The following CDC42BPB variants were observed in gnomAD, a reference collection of about 807,000 sequenced individuals.
The protein encoded by CDC42BPB is serine/threonine-protein kinase MRCK beta.
In CDC42BPB, 37 loss-of-function variants were observed where a neutral mutation model predicts 214.9. The ratio of observed to expected loss-of-function variants is 0.17; its 90% CI spans 0.13 to 0.23. The LOEUF is 0.23. Ranked by LOEUF, CDC42BPB falls within the 10% of genes least tolerant of loss-of-function variation. CDC42BPB has a pLI of 1.00. For synonymous variants in CDC42BPB, 931 were observed against 884.0 expected (o/e 1.05, Z -0.94); for missense variants, 1,694 against 2,227.0 (o/e 0.76, Z 4.82).
At chr14:102,938,910 T>C (rs1162554913) in intron 34 of CDC42BPB, among the ~76,000 whole-genome samples, 1 of 148,102 alleles carries the variant, frequency 6.8e-6, no homozygotes, top group African/African-American at 2.5e-5. Context: ...TTAAGAGGCA[T>C]GAGCCACCAC....
rs1025200535 is a variant in CDC42BPB at position 102,942,900 on chromosome 14, G to A, written c.4408+991C>T. 2.6e-5 allele frequency among the ~76,000 whole-genome samples: 4 copies of A among 152,048 alleles called. No homozygotes were observed. In the East Asian group the frequency reaches 5.8e-4, roughly 22 times the overall value. On this transcript the variant is annotated intron_variant, in intron 30 of 36. Coordinates refer to ENST00000361246, the MANE Select transcript of CDC42BPB (RefSeq NM_006035.4). ...GTTTGTTTGTTTAAGACGGAGTCTC[G>A]CTCTGTTGTCCAGGCTAGAGTGCAG...
At chr14:102,946,719 C>G in intron 27 of CDC42BPB, 35 bp from the exon 28 acceptor site, 2 of 1,608,010 alleles carry the variant, frequency 1.2e-6, no homozygotes, top group Non-Finnish European at 1.7e-6. Context: ...AGAGAGAAGT[C>G]ATCAAACGCC....
intron 33 of CDC42BPB, 39 bp from the exon 34 acceptor site, chr14:102,939,766 G>A (rs1566839207): frequency 6.2e-7 from 1 of 1,614,044 alleles, no homozygotes. Flanking sequence ...ATGGATACGT[G>A]AGAATCCTCT....
intron 30 of CDC42BPB, chr14:102,940,702 T>C (rs974973440): frequency 3.4e-6 from 1 of 290,382 alleles, no homozygotes; most frequent in Non-Finnish European, 6.7e-6. Context: ...CTGTTCAGTA[T>C]GGTGAGGCTA....
intron 24 of CDC42BPB, 115 bp from the exon 25 acceptor site, chr14:102,950,717 G>A: frequency 1.5e-6 from 2 of 1,376,196 alleles, no homozygotes; most frequent in Non-Finnish European, 1.9e-6. Context: ...TGGAATCCCA[G>A]CACTTTCGGA....
In CDC42BPB at chr14:103,001,694, G is replaced by A. The variant is rs997438781; in HGVS notation, c.448-1981C>T. Reference sequence around the variant, plus strand: ...ATGCACACTGCAGGCATTCCAGAGGGAGCGGCCCCGGCAGCTGACGGACAC... The same window carrying A: ...ATGCACACTGCAGGCATTCCAGAGGAAGCGGCCCCGGCAGCTGACGGACAC... On this transcript the variant is annotated intron_variant, in intron 4 of 36. Coordinates refer to ENST00000361246, the MANE Select transcript of CDC42BPB (RefSeq NM_006035.4). The surrounding 1 kb of genome is among the most constrained non-coding windows in gnomAD (Gnocchi z 5.8). 6.6e-6 allele frequency among the ~76,000 whole-genome samples: 1 copy of A among 152,192 alleles called. No homozygotes were observed. Among genetic ancestry groups the A allele is most frequent in the African/African-American group, 2.4e-5 (1 of 41,428 alleles).
chr14:102,935,464 T>A (rs1891607252), intron 36 of CDC42BPB, among the ~76,000 whole-genome samples: 2 of 152,088 alleles, frequency 1.3e-5, no homozygotes, highest in Admixed American at 1.3e-4. Context: ...ATGGAACACA[T>A]CTCATGTTCG....
chr14:102,971,056 G>A (rs1893450787), intron 13 of CDC42BPB, among the ~76,000 whole-genome samples: 2 of 152,188 alleles, frequency 1.3e-5, no homozygotes, highest in Non-Finnish European at 2.9e-5. Context: ...GGGGTCCTGA[G>A]ACATCAGGGG....
chr14:103,026,737 G>A (rs1042113918), intron 1 of CDC42BPB, among the ~76,000 whole-genome samples: 8 of 151,008 alleles, frequency 5.3e-5, no homozygotes, highest in East Asian at 2.0e-4. Context: ...GCATGGTGGC[G>A]GGTGCCTGTA....
At chr14:103,044,433 A>G (rs1242606581) in intron 1 of CDC42BPB, among the ~76,000 whole-genome samples, 1 of 147,020 alleles carries the variant, frequency 6.8e-6, no homozygotes, top group Non-Finnish European at 1.5e-5. Flanking sequence ...GCACTGGTGC[A>G]ATCTCAGCTC....
intron 27 of CDC42BPB, 62 bp downstream of exon 27, chr14:102,947,659 A>T: frequency 1.4e-6 from 2 of 1,402,148 alleles, no homozygotes; most frequent in Non-Finnish European, 2.0e-6. Context: ...GCACAATGAC[A>T]TGCCTAGAAC....
chr14:102,998,617 C>T (rs1004727571), intron 5 of CDC42BPB, among the ~76,000 whole-genome samples: 10 of 152,218 alleles, frequency 6.6e-5, no homozygotes, highest in East Asian at 3.9e-4. Context: ...CCCTCCCAGC[C>T]GAGAAGGCAG....
At chr14:102,934,065 G>A in intron 36 of CDC42BPB, 1 of 1,302,768 alleles carries the variant, frequency 7.7e-7, no homozygotes, top group Non-Finnish European at 9.8e-7. Context: ...AAATAACATG[G>A]TAATTATCAT....
intron 9 of CDC42BPB, 28 bp from the exon 10 acceptor site, chr14:102,976,077 G>T (rs761636130): frequency 6.2e-7 from 1 of 1,602,274 alleles, no homozygotes; most frequent in Non-Finnish European, 8.5e-7. Context: ...AGGTTTTTTT[G>T]ATCTACTGAA....
At chr14:103,022,127 C>T (rs1886809000) in intron 1 of CDC42BPB, among the ~76,000 whole-genome samples, 1 of 152,082 alleles carries the variant, frequency 6.6e-6, no homozygotes, top group Admixed American at 6.5e-5. Context: ...CCCTGGGGGG[C>T]TTCGACATGA....
chr14:102,938,704 C>T (rs2139341462), intron 34 of CDC42BPB: 1 of 264,140 alleles, frequency 3.8e-6, no homozygotes, highest in East Asian at 1.8e-4. Context: ...TCTCGGCTCA[C>T]TGCAACCTCT....
chr14:102,949,833 G>T lies in CDC42BPB; in HGVS notation c.3381C>A (p.Phe1127Leu). ...ATTTTCCTTCAGGCAGATCATACAG[G>T]AAGAGCTTGCAGTCACAGACGACTG... ...AYAVVCDCKL[F>L]LYDLPEGKST... Residue 1127 changes from phenylalanine to leucine, a missense_variant, in exon 26 of 37, where the codon TTC becomes TTA. By Grantham distance (22) the Phe-to-Leu change is conservative. Around this residue, in one of 7 missense-constraint regions of CDC42BPB, gnomAD observed 567 missense variants for 790.3 expected, o/e 0.72. Coordinates refer to ENST00000361246, the MANE Select transcript of CDC42BPB (RefSeq NM_006035.4). 1 of 1,613,650 alleles carries T rather than the reference G, an allele frequency of 6.2e-7. No individual in the cohort carries two copies. Among genetic ancestry groups the T allele is most frequent in the Non-Finnish European group, 8.5e-7 (1 of 1,179,994 alleles).
intron 1 of CDC42BPB, among the ~76,000 whole-genome samples, chr14:103,017,233 G>A (rs960627856): frequency 6.6e-6 from 1 of 152,172 alleles, no homozygotes; most frequent in African/African-American, 2.4e-5. Context: ...GGAGGCGAGA[G>A]ATCGCTGGAG....
intron 1 of CDC42BPB, among the ~76,000 whole-genome samples, chr14:103,036,329 G>C (rs111620228): frequency 6.6e-6 from 1 of 151,112 alleles, no homozygotes; most frequent in East Asian, 1.9e-4. Flanking sequence ...ATTTTTTTTT[G>C]TATTTTTAGT....
Sources: gnomAD v4.1 joint callset for allele counts (sites outside exome capture counted in the v4.1 genomes callset) on GRCh38, gnomAD v4.1.1 for gene constraint, gnomAD v4.1.1 regional missense constraint, Gnocchi (gnomAD v3.1) non-coding constraint, MANE v1.5 for transcripts, NCBI Gene and HGNC (gene_info 2026-07-23, HGNC 2026-07-21) for gene names.